The following GNG4 variants were observed in gnomAD, a reference collection of about 807,000 sequenced individuals.
GNG4 encodes G protein subunit gamma 4.
In GNG4, 4 loss-of-function variants were observed where a neutral mutation model predicts 5.8. That is an observed-to-expected ratio of 0.69 (90% CI 0.34 to 1.57). GNG4 has a LOEUF of 1.57. Among genes scored for constraint, GNG4 ranks in the 40% most tolerant of loss-of-function variants. GNG4 has a pLI of 0.06. For missense variants in GNG4, 96 were observed against 95.1 expected, an observed-to-expected ratio of 1.01 and a Z score of -0.04; for synonymous variants, 29 against 32.9, an observed-to-expected ratio of 0.88 and a Z score of 0.41.
chr1:235,611,261 G>A (rs1042548537), intron 1 of GNG4, among the ~76,000 whole-genome samples: 3 of 151,482 alleles, frequency 2.0e-5, no homozygotes, highest in South Asian at 4.2e-4. Flanking sequence ...TCAACTTCCT[G>A]GGCTTAAGTG....
rs1043430978 is a variant in GNG4, at chr1:235,572,736, G to C, written c.99+11004C>G. Among the ~76,000 whole-genome samples, 3 of 151,800 alleles carry C rather than the reference G, an allele frequency of 2.0e-5. No individual in the cohort carries two copies. In the East Asian group the frequency reaches 5.8e-4, roughly 29 times the overall value. On this transcript the variant is annotated intron_variant, in intron 3 of 3. Transcript: ENST00000391854. ...GCTGGTCTTGAACTCCTGACCTCAA[G>C]TGATCTACCCACCTCGGCCTCCCAA...
chr1:235,599,895 T>C (rs1688217590), intron 1 of GNG4, among the ~76,000 whole-genome samples: 1 of 152,120 alleles, frequency 6.6e-6, no homozygotes, highest in South Asian at 2.1e-4. Context: ...ACACTATCAA[T>C]TTCTCCTTGT....
At chr1:235,608,534 G>A (rs1281377128) in intron 1 of GNG4, among the ~76,000 whole-genome samples, 1 of 151,922 alleles carries the variant, frequency 6.6e-6, no homozygotes, top group Non-Finnish European at 1.5e-5. Context: ...TTCACTTCCC[G>A]CTCCTCCCAG....
chr1:235,588,149 C>G (rs1350757442), intron 2 of GNG4, among the ~76,000 whole-genome samples: 2 of 152,032 alleles, frequency 1.3e-5, no homozygotes, highest in Admixed American at 6.6e-5. Flanking sequence ...CATGCCCTAC[C>G]CTCTCCGCAG....
intron 2 of GNG4, among the ~76,000 whole-genome samples, chr1:235,585,282 C>T (rs1341285088): frequency 6.6e-6 from 1 of 151,834 alleles, no homozygotes; most frequent in African/African-American, 2.4e-5. Flanking sequence ...CTCTGTCATC[C>T]AAGCTGTAAT....
intron 1 of GNG4, among the ~76,000 whole-genome samples, chr1:235,636,399 G>A (rs548491054): frequency 3.3e-5 from 5 of 152,214 alleles, no homozygotes; most frequent in African/African-American, 9.6e-5. Context: ...CAGGTCCTGC[G>A]GTGAGGCCTG....
intron 1 of GNG4, among the ~76,000 whole-genome samples, chr1:235,645,031 G>A (rs1021814723): frequency 3.3e-5 from 5 of 152,290 alleles, no homozygotes; most frequent in African/African-American, 9.6e-5. Flanking sequence ...AGGGTAACAC[G>A]TAGCCCTTTC....
chr1:235,589,644 A>T (rs1189583325), intron 2 of GNG4, among the ~76,000 whole-genome samples: 1 of 152,142 alleles, frequency 6.6e-6, no homozygotes, highest in Non-Finnish European at 1.5e-5. Flanking sequence ...GTCCTCCTCA[A>T]TGGGACATCA....
At chr1:235,557,360 GAA>G (rs1686943255) in intron 3 of GNG4, among the ~76,000 whole-genome samples, 1 of 152,140 alleles carries the variant, frequency 6.6e-6, no homozygotes, top group East Asian at 1.9e-4. Flanking sequence ...CACAGGACCA[GAA>G]GAAGGAGAGT....
rs759555613 is a variant in GNG4 at position 235,617,991 on chromosome 1, G to C, written c.-122-22480C>G. ...GAGCATATTTCAGACATCTCTGTTAGAAGGCAGACTGCACAAACTATCCTC... is the reference window on the plus strand; with the variant it reads ...GAGCATATTTCAGACATCTCTGTTACAAGGCAGACTGCACAAACTATCCTC... On this transcript the variant is annotated intron_variant, in intron 1 of 3. Coordinates refer to ENST00000391854, the MANE Select transcript of GNG4 (RefSeq NM_001098722.2). Among the ~76,000 whole-genome samples the C allele has an allele frequency of 5.4e-4, 82 of 151,980 alleles. 1 individual carries two copies. Among genetic ancestry groups the C allele is most frequent in the Non-Finnish European group, 3.7e-4 (25 of 67,962 alleles).
At chr1:235,567,541 C>CA (rs574156583) in intron 3 of GNG4, among the ~76,000 whole-genome samples, 63 of 152,290 alleles carry the variant, frequency 4.1e-4, no homozygotes, top group Admixed American at 4.1e-3. Context: ...CTAGGTACCT[C>CA]ATATAGGTGG....
At chr1:235,593,398 C>T (rs529398644) in intron 2 of GNG4, among the ~76,000 whole-genome samples, 2 of 152,316 alleles carry the variant, frequency 1.3e-5, no homozygotes, top group East Asian at 3.9e-4. Flanking sequence ...TTCTGGAAGC[C>T]AAATGTCATT....
chr1:235,615,694 C>A, intron 1 of GNG4: 1 of 228,144 alleles, frequency 4.4e-6, no homozygotes, highest in African/African-American at 2.4e-5. Flanking sequence ...AAATGAACAT[C>A]ACATAGACAT....
At chr1:235,591,011 G>A (rs1478316189) in intron 2 of GNG4, among the ~76,000 whole-genome samples, 3 of 151,800 alleles carry the variant, frequency 2.0e-5, no homozygotes, top group Admixed American at 6.6e-5. Flanking sequence ...CGCTTCTAAC[G>A]AGCTTCGTGA....
chr1:235,614,297 T>C (rs1352573135), intron 1 of GNG4, among the ~76,000 whole-genome samples: 2 of 152,184 alleles, frequency 1.3e-5, no homozygotes, highest in African/African-American at 4.8e-5. Context: ...TTTTTTTTCT[T>C]GGATGGTCTG....
intron 1 of GNG4, among the ~76,000 whole-genome samples, chr1:235,624,231 T>G (rs1384082179): frequency 6.6e-6 from 1 of 151,202 alleles, no homozygotes; most frequent in Non-Finnish European, 1.5e-5. Context: ...GCCCCCCGAG[T>G]AGCTGGGATT....
intron 3 of GNG4, among the ~76,000 whole-genome samples, chr1:235,559,253 T>G (rs1048552940): frequency 6.6e-6 from 1 of 152,188 alleles, no homozygotes; most frequent in African/African-American, 2.4e-5. Flanking sequence ...GCCAGCATGG[T>G]GTAACGGTAT....
At chr1:235,555,482 G>T (rs144827989) in intron 3 of GNG4, among the ~76,000 whole-genome samples, 1 of 151,866 alleles carries the variant, frequency 6.6e-6, no homozygotes, top group Non-Finnish European at 1.5e-5. Context: ...TTATACGTAC[G>T]ACTCTAGCCT....
chr1:235,617,666 C>T (rs1055499161), intron 1 of GNG4, among the ~76,000 whole-genome samples: 6 of 152,116 alleles, frequency 3.9e-5, no homozygotes, highest in African/African-American at 7.2e-5. Flanking sequence ...GGGTGGATCA[C>T]CTGAGGCCAG....
Sources: gnomAD v4.1 joint callset for allele counts (sites outside exome capture counted in the v4.1 genomes callset) on GRCh38, gnomAD v4.1.1 for gene constraint, MANE v1.5 for transcripts, NCBI Gene and HGNC (gene_info 2026-07-23, HGNC 2026-07-21) for gene names.